The following GAL3ST1 variants were observed in gnomAD, a reference collection of about 807,000 sequenced individuals.
GAL3ST1 encodes the protein galactosylceramide sulfotransferase.
In GAL3ST1, 13 loss-of-function variants were observed where a neutral mutation model predicts 25.0. The ratio of observed to expected loss-of-function variants is 0.52; its 90% CI spans 0.34 to 0.83. The LOEUF is 0.83. Among genes scored for constraint, GAL3ST1 ranks in the 40% least tolerant of loss-of-function variants. The pLI is 0.02. For synonymous variants in GAL3ST1, 274 were observed against 277.8 expected, an observed-to-expected ratio of 0.99 and a Z score of 0.14; for missense variants, 474 against 613.6, an observed-to-expected ratio of 0.77 and a Z score of 2.40.
chr22:30,556,095 T>C lies in GAL3ST1; in HGVS notation c.132-2A>G, dbSNP rs780073722. 6 of 1,598,932 alleles carry C rather than the reference T, an allele frequency of 3.8e-6. No individual in the cohort carries two copies. Among genetic ancestry groups the C allele is most frequent in the Non-Finnish European group, 5.1e-6 (6 of 1,175,322 alleles). On this transcript the variant is annotated splice_acceptor_variant, in intron 3 of 3. Coordinates refer to ENST00000406361, the MANE Select transcript of GAL3ST1 (RefSeq NM_001318104.2). LOFTEE classifies it high-confidence loss of function. ...CAGGACGCTGCGGCCTCCGGGGTCC[T>C]GCTGGGGACAGAGAGGTGGGGAGAG...
In GAL3ST1 at chr22:30,554,964, G is replaced by A. The variant is rs2085900064; in HGVS notation, c.1261C>T (p.Leu421=). The A allele has an allele frequency of 2.5e-6, 4 of 1,575,564 alleles. No individual in the cohort carries two copies. The highest frequency in any genetic ancestry group is 2.6e-6 in the Non-Finnish European group (3 of 1,155,336). ...TKLWKFIRDF[L]RW ...TGGGCGGTGGGACGTCACCACCGCA[G>A]GAAATCGCGAATGAACTTCCAGAGC... is the stretch of plus-strand genomic sequence containing the variant. Residue 421 remains leucine (L), a synonymous_variant, in exon 4 of 4, where the codon CTG becomes TTG. Transcript: ENST00000406361.
intron 1 of GAL3ST1, among the ~76,000 whole-genome samples, chr22:30,573,626 T>C (rs1278905269): frequency 6.6e-6 from 1 of 152,238 alleles, no homozygotes; most frequent in East Asian, 1.9e-4. Flanking sequence ...AGGATTCTCA[T>C]GCACCTGTCA....
At position 30,558,083 on chromosome 22, in the gene GAL3ST1, C is replaced by T. The variant is rs1050214314; in HGVS notation, c.-10+196G>A. Reference sequence around the variant, plus strand: ...GATGACAGACGTGAGCCATCGCGCCCGACCATGAAACACTTTTCTAAGGCA... The same window carrying T: ...GATGACAGACGTGAGCCATCGCGCCTGACCATGAAACACTTTTCTAAGGCA... On this transcript the variant is annotated intron_variant, in intron 2 of 3. Transcript: ENST00000406361. 9.2e-5 allele frequency among the ~76,000 whole-genome samples: 14 copies of T among 151,696 alleles called. No individual in the cohort carries two copies. In the South Asian group the frequency reaches 1.3e-3, roughly 14 times the overall value.
intron 1 of GAL3ST1, among the ~76,000 whole-genome samples, chr22:30,564,464 A>G (rs1026058267): frequency 6.6e-6 from 1 of 152,126 alleles, no homozygotes; most frequent in East Asian, 1.9e-4. Context: ...ACAGGACTAG[A>G]ACCTGGGTCT....
Position 30,565,725 on chromosome 22 carries a change from C to A in GAL3ST1, c.-119-7337G>T, listed in dbSNP as rs117804758. Among the ~76,000 whole-genome samples the A allele has an allele frequency of 8.5e-5, 13 of 152,276 alleles. No homozygotes were observed. In the East Asian group the frequency reaches 2.3e-3, roughly 27 times the overall value. ...TTCCCCAAGGCCTTGGCAGAAGAGGCAGTTCTAGGTGCCCTGGCCCTAAGC... is the reference window on the plus strand; with the variant it reads ...TTCCCCAAGGCCTTGGCAGAAGAGGAAGTTCTAGGTGCCCTGGCCCTAAGC... On this transcript the variant is annotated intron_variant, in intron 1 of 3. Transcript: ENST00000406361.
chr22:30,559,153 G>A (rs2086221552), intron 1 of GAL3ST1, among the ~76,000 whole-genome samples: 1 of 151,382 alleles, frequency 6.6e-6, no homozygotes, highest in African/African-American at 2.4e-5. Flanking sequence ...GTGAGACTCT[G>A]TCTCAAAAAA....
chr22:30,563,046 A>G lies in GAL3ST1; in HGVS notation c.-119-4658T>C, dbSNP rs146914221. The stretch of plus-strand genomic sequence containing the variant: ...CAGGAGAATTGCTTGAACCTGGGAG[A>G]CAGAGGTTGCAGTGAGCTGAGATTG... On this transcript the variant is annotated intron_variant, in intron 1 of 3. Transcript: ENST00000406361. 2.8e-3 allele frequency among the ~76,000 whole-genome samples: 432 copies of G among 152,006 alleles called. 1 individual carries two copies. The highest frequency in any genetic ancestry group is 0.01 in the African/African-American group (422 of 41,464).
At chr22:30,566,535 G>T (rs147715854) in intron 1 of GAL3ST1, among the ~76,000 whole-genome samples, 2 of 152,338 alleles carry the variant, frequency 1.3e-5, no homozygotes, top group Non-Finnish European at 2.9e-5. Context: ...AAGATTTCCA[G>T]AGTAGGGAGC....
chr22:30,556,359 C>T (rs981968949), intron 3 of GAL3ST1, among the ~76,000 whole-genome samples: 1 of 152,154 alleles, frequency 6.6e-6, no homozygotes, highest in African/African-American at 2.4e-5. Context: ...TCATTCATGG[C>T]CACTGTGTTG....
At chr22:30,568,061 G>T (rs186446821) in intron 1 of GAL3ST1, among the ~76,000 whole-genome samples, 8 of 152,202 alleles carry the variant, frequency 5.3e-5, no homozygotes, top group African/African-American at 1.9e-4. Context: ...ATGATAACCC[G>T]GTGCAGAGAA....
chr22:30,557,277 G>A lies in GAL3ST1; in HGVS notation c.116C>T (p.Ala39Val), dbSNP rs1445708746. Residue 39 changes from alanine (A) to valine (V), a missense_variant, in exon 3 of 4, where the codon GCC (alanine) becomes GTC (valine). Around this residue, in one of 2 missense-constraint regions of GAL3ST1, gnomAD observed 115 missense variants for 109.2 expected, o/e 1.05. Transcript: ENST00000406361. ...VYSYAVPPLHAGLASTTPEAA... is the reference protein window; with the variant it reads ...VYSYAVPPLHVGLASTTPEAA... ...GGCCACTCACGTGGAGGCCAGGCCG[G>A]CATGCAGCGGGGGCACGGCATAGGA... is the stretch of plus-strand genomic sequence containing the variant. 1.2e-6 allele frequency: 2 copies of A among 1,614,028 alleles called. No individual in the cohort carries two copies. Among genetic ancestry groups the A allele is most frequent in the Non-Finnish European group, 1.7e-6 (2 of 1,179,988 alleles).
At chr22:30,562,037 C>G (rs1415493188) in intron 1 of GAL3ST1, among the ~76,000 whole-genome samples, 1 of 152,142 alleles carries the variant, frequency 6.6e-6, no homozygotes, top group South Asian at 2.1e-4. Flanking sequence ...TGAGGGAGAA[C>G]AGTCACTAGG....
In GAL3ST1 at chr22:30,554,809, GC is replaced by G; in HGVS notation, c.*143del. 1.7e-6 allele frequency: 1 copy of G among 592,922 alleles called. No homozygotes were observed. Among genetic ancestry groups the G allele is most frequent in the South Asian group, 2.4e-5 (1 of 42,110 alleles). 36.7% of individuals were successfully genotyped at this position (592,922 alleles called of 1,614,324 possible). A position where few individuals can be genotyped will look rare whatever the true frequency, so the allele number is the denominator to read the frequency against. ...GTGTTCATGGGCCCAGTCTTGGCTG[GC>G]TGCCTCCCCCCAGGGAGCCCCCCCT... is the stretch of plus-strand genomic sequence containing the variant. On this transcript the variant is annotated 3_prime_UTR_variant, in exon 4 of 4. Transcript: ENST00000406361.
At position 30,563,024 on chromosome 22, in the gene GAL3ST1, G is replaced by A. The variant is rs570060737; in HGVS notation, c.-119-4636C>T. On this transcript the variant is annotated intron_variant, in intron 1 of 3. Coordinates refer to ENST00000406361, the MANE Select transcript of GAL3ST1 (RefSeq NM_001318104.2). ...CCAGCTACTTGGGAGGCTGAGGCAG[G>A]AGAATTGCTTGAACCTGGGAGACAG... Among the ~76,000 whole-genome samples, 9 of 152,206 alleles carry A rather than the reference G, an allele frequency of 5.9e-5. 1 individual carries two copies. The South Asian group carries it at 1.7e-3, about 28-fold the overall frequency.
At chr22:30,570,089 A>C (rs2086735188) in intron 1 of GAL3ST1, among the ~76,000 whole-genome samples, 1 of 152,216 alleles carries the variant, frequency 6.6e-6, no homozygotes, top group African/African-American at 2.4e-5. Context: ...ATCTTAAAAA[A>C]AGAAACTCCA....
Position 30,556,026 on chromosome 22 carries a change from C to G in GAL3ST1, c.199G>C (p.Gly67Arg), listed in dbSNP as rs866052007. Reference protein sequence around the residue: ...LEPEAVIRANGSAGECQPRRN... With the variant: ...LEPEAVIRANRSAGECQPRRN... ...CGCGGCTGGCACTCCCCCGCCGAGC[C>G]GTTGGCCCGGATCACTGCCTCTGGC... The change falls in exon 4 of 4, where the codon GGC becomes CGC. Residue 67 changes from glycine to arginine, a missense_variant. This residue lies in a region of GAL3ST1 where 115 missense variants were observed against 109.2 expected (regional missense o/e 1.05). Coordinates refer to ENST00000406361, the MANE Select transcript of GAL3ST1 (RefSeq NM_001318104.2). The G allele has an allele frequency of 6.2e-7, 1 of 1,612,960 alleles. No homozygotes were observed. Among genetic ancestry groups the G allele is most frequent in the Non-Finnish European group, 8.5e-7 (1 of 1,179,936 alleles).
intron 1 of GAL3ST1, chr22:30,560,484 G>A (rs886704146): frequency 1.1e-4 from 17 of 152,146 alleles, no homozygotes; most frequent in African/African-American, 4.1e-4. Flanking sequence ...GAGGCCCGGG[G>A]GGCCTGCCTT....
Position 30,555,973 on chromosome 22 carries a change from G to C in GAL3ST1, c.252C>G (p.His84Gln), listed in dbSNP as rs1439262202. 6.2e-7 allele frequency: 1 copy of C among 1,613,846 alleles called. No individual in the cohort carries two copies. Among genetic ancestry groups the C allele is most frequent in the Non-Finnish European group, 8.5e-7 (1 of 1,180,004 alleles). Residue 84 changes from histidine to glutamine, a missense_variant, in exon 4 of 4, where the codon CAC (histidine) becomes CAG (glutamine). Physicochemically the swap from His to Gln is conservative, Grantham distance 24. Coordinates refer to ENST00000406361, the MANE Select transcript of GAL3ST1 (RefSeq NM_001318104.2). This position sits in a 1 kb window ranked among gnomAD's most constrained non-coding sequence, Gnocchi z 8.6. ...TGAGCAGGGTGCTGCTGGCCGTCTT[G>C]TGCGTCTTCAAGAACACGATGTTGC... Reference protein sequence around the residue: ...PRRNIVFLKTHKTASSTLLNI... With the variant: ...PRRNIVFLKTQKTASSTLLNI...
chr22:30,559,360 C>T (rs954051160), intron 1 of GAL3ST1, among the ~76,000 whole-genome samples: 1 of 151,986 alleles, frequency 6.6e-6, no homozygotes, highest in Middle Eastern at 3.2e-3. Context: ...CCTGCCTCAG[C>T]CTCCCAAGTA....
Sources: gnomAD v4.1 joint callset for allele counts (sites outside exome capture counted in the v4.1 genomes callset) on GRCh38, gnomAD v4.1.1 for gene constraint, gnomAD v4.1.1 regional missense constraint, Gnocchi (gnomAD v3.1) non-coding constraint, MANE v1.5 for transcripts, NCBI Gene and HGNC (gene_info 2026-07-23, HGNC 2026-07-21) for gene names.